FOXP1: variants seen among roughly 807,000 people sequenced by gnomAD.
FOXP1 encodes the protein forkhead box P1.
A neutral mutation model predicts 98.2 loss-of-function variants in FOXP1; 15 were observed. The observed-to-expected ratio is 0.15, with a 90% CI of 0.10 to 0.24. The LOEUF (loss-of-function observed/expected upper bound fraction) is 0.24, where lower values mean the gene tolerates loss of function less well. Among genes scored for constraint, FOXP1 ranks in the 10% least tolerant of loss-of-function variants. The pLI, the probability that FOXP1 is intolerant of heterozygous loss-of-function variation, is 1.00. For synonymous variants in FOXP1, 371 were observed against 314.5 expected (o/e 1.18, Z -1.90); for missense variants, 633 against 848.5 (o/e 0.75, Z 3.15).
chr3:70,978,202 G>A lies in FOXP1; in HGVS notation c.1147-173C>T, dbSNP rs2038009065. 3.3e-5 allele frequency among the ~76,000 whole-genome samples: 5 copies of A among 152,300 alleles called. No individual in the cohort carries two copies. The South Asian group carries it at 8.3e-4, about 25-fold the overall frequency. ...GTGAGTCCTGCGTGAATTCACTTAG[G>A]ATGCAGTGTAAGATATCTCTGGCAG... On this transcript the variant is annotated intron_variant, in intron 14 of 20. Coordinates refer to ENST00000649528, the MANE Select transcript of FOXP1 (RefSeq NM_001349338.3).
chr3:71,132,993 A>AG (rs2059646132), intron 6 of FOXP1, among the ~76,000 whole-genome samples: 1 of 150,880 alleles, frequency 6.6e-6, no homozygotes, highest in South Asian at 2.1e-4. Flanking sequence ...AAAAAAAAAA[A>AG]GCAAGCAAAC....
At chr3:71,486,011 C>T (rs1260960551) in intron 3 of FOXP1, among the ~76,000 whole-genome samples, 1 of 152,148 alleles carries the variant, frequency 6.6e-6, no homozygotes, top group Admixed American at 6.5e-5. Context: ...ACTACAAAAT[C>T]TTCTCTGCCT....
chr3:71,060,502 G>A lies in FOXP1; in HGVS notation c.283-6729C>T, dbSNP rs531181146. On this transcript the variant is annotated intron_variant, in intron 7 of 20. Coordinates refer to ENST00000649528, the MANE Select transcript of FOXP1 (RefSeq NM_001349338.3). ...TAAAATCAAGGCAAATGGGAAACCCGTGCAGACCCGCCTCATGAAGTGGTG... is the reference window on the plus strand; with the variant it reads ...TAAAATCAAGGCAAATGGGAAACCCATGCAGACCCGCCTCATGAAGTGGTG... 1.4e-4 allele frequency among the ~76,000 whole-genome samples: 22 copies of A among 152,164 alleles called. 1 individual carries two copies. The East Asian group carries it at 1.7e-3, about 12-fold the overall frequency.
chr3:71,091,174 T>G (rs894833436), intron 7 of FOXP1, among the ~76,000 whole-genome samples: 1 of 143,962 alleles, frequency 6.9e-6, no homozygotes, highest in South Asian at 2.4e-4. Flanking sequence ...TGGGTAGACA[T>G]TTCTACTTTA....
chr3:71,003,761 G>A (rs2042411833), intron 12 of FOXP1, among the ~76,000 whole-genome samples: 1 of 152,118 alleles, frequency 6.6e-6, no homozygotes, highest in African/African-American at 2.4e-5. Flanking sequence ...GCTTATGCAG[G>A]AGCATTTCAT....
At chr3:71,089,564 G>A (rs781505436) in intron 7 of FOXP1, among the ~76,000 whole-genome samples, 10 of 152,136 alleles carry the variant, frequency 6.6e-5, no homozygotes, top group Non-Finnish European at 1.3e-4. Context: ...GATCATGAGG[G>A]CAGTTGCATG....
At chr3:71,376,928 C>T (rs1024487351) in intron 3 of FOXP1, among the ~76,000 whole-genome samples, 1 of 151,154 alleles carries the variant, frequency 6.6e-6, no homozygotes, top group Non-Finnish European at 1.5e-5. Context: ...CATATGTATT[C>T]TTTTTTTTTA....
intron 4 of FOXP1, among the ~76,000 whole-genome samples, chr3:71,312,135 G>A (rs929749045): frequency 2.6e-5 from 4 of 152,174 alleles, no homozygotes; most frequent in Non-Finnish European, 5.9e-5. Flanking sequence ...AAGGTGAAGG[G>A]ACACTTAATG....
rs1575649519 is a variant in FOXP1 at position 70,959,173 on chromosome 3, C to T, written c.*74G>A. 1.3e-6 allele frequency: 2 copies of T among 1,547,604 alleles called. No individual in the cohort carries two copies. Among genetic ancestry groups the T allele is most frequent in the Non-Finnish European group, 1.8e-6 (2 of 1,124,192 alleles). ...GTACAACAAATGGAGAACAATTTCACTGCTAACTTTTGACGTGTTTTTTTT... is the reference window on the plus strand; with the variant it reads ...GTACAACAAATGGAGAACAATTTCATTGCTAACTTTTGACGTGTTTTTTTT... On this transcript the variant is annotated 3_prime_UTR_variant, in exon 21 of 21. Coordinates refer to ENST00000649528, the MANE Select transcript of FOXP1 (RefSeq NM_001349338.3).
chr3:71,004,010 TTACTA>T (rs1305342436), intron 12 of FOXP1, among the ~76,000 whole-genome samples: 1 of 152,050 alleles, frequency 6.6e-6, no homozygotes, highest in Non-Finnish European at 1.5e-5. Context: ...TTTTGGTTAT[TTACTA>T]TAGTTTAAAG....
intron 7 of FOXP1, among the ~76,000 whole-genome samples, chr3:71,077,629 G>A (rs1046436038): frequency 1.3e-5 from 2 of 152,278 alleles, no homozygotes; most frequent in Admixed American, 1.3e-4. Context: ...CTCTGTGCTA[G>A]TCACTTCATC....
intron 13 of FOXP1, among the ~76,000 whole-genome samples, chr3:70,994,300 T>C (rs2041057339): frequency 6.6e-6 from 1 of 151,902 alleles, no homozygotes; most frequent in African/African-American, 2.4e-5. Context: ...ACTCTTCCAG[T>C]TTTGAAACTG....
At chr3:71,392,701 C>T (rs1026833696) in intron 3 of FOXP1, among the ~76,000 whole-genome samples, 5 of 152,150 alleles carry the variant, frequency 3.3e-5, no homozygotes, top group Non-Finnish European at 7.4e-5. Flanking sequence ...CTCACTTTTC[C>T]ATGAACATAT....
At chr3:71,072,480 C>T (rs1052846576) in intron 7 of FOXP1, among the ~76,000 whole-genome samples, 3 of 152,176 alleles carry the variant, frequency 2.0e-5, no homozygotes, top group Non-Finnish European at 2.9e-5. Flanking sequence ...CAACCCAAAA[C>T]GTTTACTGGG....
intron 3 of FOXP1, among the ~76,000 whole-genome samples, chr3:71,383,784 T>C (rs1372671967): frequency 6.6e-6 from 1 of 152,100 alleles, no homozygotes; most frequent in Non-Finnish European, 1.5e-5. Context: ...GAAAACTAAA[T>C]TGCCGTTTTT....
chr3:71,104,825 T>TTG (rs1490194410), intron 7 of FOXP1, among the ~76,000 whole-genome samples: 72 of 152,292 alleles, frequency 4.7e-4, no homozygotes, highest in South Asian at 2.1e-4. Flanking sequence ...AACCTGACTG[T>TTG]TGTGCTGACT....
intron 4 of FOXP1, among the ~76,000 whole-genome samples, chr3:71,316,250 TGCCCCCAA>T (rs1438043054): frequency 6.6e-6 from 1 of 152,172 alleles, no homozygotes; most frequent in Non-Finnish European, 1.5e-5. Context: ...AAACAGCCCT[TGCCCCCAA>T]GCCTCCTGAA....
intron 1 of FOXP1, chr3:71,583,363 G>A (rs1186650088): frequency 2.3e-5 from 18 of 784,248 alleles, no homozygotes; most frequent in Non-Finnish European, 2.8e-5. Flanking sequence ...CGACCCGGGG[G>A]GGAGAGGAAG....
At chr3:71,305,307 C>T (rs1250945516) in intron 4 of FOXP1, among the ~76,000 whole-genome samples, 1 of 152,120 alleles carries the variant, frequency 6.6e-6, no homozygotes, top group African/African-American at 2.4e-5. Flanking sequence ...TCTCCTCCAC[C>T]GTGGGGCCAA....
Sources: allele counts gnomAD v4.1 joint callset (sites outside exome capture counted in the v4.1 genomes callset), GRCh38; gene constraint gnomAD v4.1.1; transcripts MANE v1.5; gene names NCBI Gene and HGNC (gene_info 2026-07-23, HGNC 2026-07-21).